The following SOX5 variants were observed in gnomAD, a reference collection of about 807,000 sequenced individuals.
SOX5 encodes SRY-box transcription factor 5, also known as transcription factor SOX-5.
In SOX5, 9 loss-of-function variants were observed where a neutral mutation model predicts 92.0. That is an observed-to-expected ratio of 0.10 (90% confidence interval 0.06 to 0.17). The LOEUF (loss-of-function observed/expected upper bound fraction) is 0.17, where lower values mean the gene tolerates loss of function less well. Ranked by LOEUF, SOX5 falls within the 10% of genes least tolerant of loss-of-function variation. The pLI, the probability that SOX5 is intolerant of heterozygous loss-of-function variation, is 1.00. For synonymous variants in SOX5, 344 were observed against 336.3 expected, an observed-to-expected ratio of 1.02 and a Z score of -0.25; for missense variants, 642 against 944.5, an observed-to-expected ratio of 0.68 and a Z score of 4.20.
intron 1 of SOX5, among the ~76,000 whole-genome samples, chr12:24,509,838 A>G (rs2138288977): frequency 6.6e-6 from 1 of 152,336 alleles, no homozygotes; most frequent in South Asian, 2.1e-4. Context: ...CAGCCACACA[A>G]AATATTTAAA....
At chr12:24,479,688 C>A (rs903727601) in intron 1 of SOX5, among the ~76,000 whole-genome samples, 86 of 151,284 alleles carry the variant, frequency 5.7e-4, no homozygotes, top group African/African-American at 2.0e-3. Flanking sequence ...TGTGGGGGGA[C>A]AGAGTCTCAC....
At chr12:24,398,105 C>T (rs1480524419) in intron 1 of SOX5, among the ~76,000 whole-genome samples, 2 of 152,192 alleles carry the variant, frequency 1.3e-5, no homozygotes, top group African/African-American at 4.8e-5. Context: ...CCACCTCGGC[C>T]TCCCAAAGTG....
chr12:24,265,048 C>A (rs1278391777), intron 3 of SOX5, among the ~76,000 whole-genome samples: 1 of 152,158 alleles, frequency 6.6e-6, no homozygotes, highest in East Asian at 1.9e-4. Flanking sequence ...CCCCAACTTA[C>A]CATGGGGATT....
chr12:24,057,490 A>G (rs772088325), intron 4 of SOX5, among the ~76,000 whole-genome samples: 3 of 152,166 alleles, frequency 2.0e-5, no homozygotes, highest in Non-Finnish European at 4.4e-5. Context: ...TGAAAGGTGC[A>G]TGACTTAGTC....
chr12:23,951,006 C>G, upstream of SOX5: 1 of 734,944 alleles, frequency 1.4e-6, no homozygotes. Flanking sequence ...CACACACACT[C>G]ACTCACGCAC....
intron 1 of SOX5, among the ~76,000 whole-genome samples, chr12:24,410,339 C>T (rs1963851778): frequency 1.3e-5 from 2 of 152,176 alleles, no homozygotes; most frequent in Admixed American, 1.3e-4. Context: ...TTCAGTTTAT[C>T]AACTTTTCCT....
At chr12:23,553,266 A>T (rs1014538683) in intron 11 of SOX5, among the ~76,000 whole-genome samples, 2 of 152,060 alleles carry the variant, frequency 1.3e-5, no homozygotes, top group Admixed American at 1.3e-4. Context: ...CAGTAATTAC[A>T]CTTACAAATT....
intron 1 of SOX5, among the ~76,000 whole-genome samples, chr12:24,481,681 A>T (rs184474303): frequency 1.6e-3 from 238 of 152,318 alleles, no homozygotes; most frequent in African/African-American, 5.6e-3. Flanking sequence ...ACAGACATAC[A>T]AAGACACAAC....
intron 3 of SOX5, among the ~76,000 whole-genome samples, chr12:24,230,260 T>G (rs1023892517): frequency 1.3e-5 from 2 of 151,964 alleles, no homozygotes; most frequent in Admixed American, 1.3e-4. Flanking sequence ...TTTAAAGACT[T>G]CCCGTCATTA....
chr12:23,832,640 T>C (rs1267352118), intron 3 of SOX5, among the ~76,000 whole-genome samples: 1 of 152,060 alleles, frequency 6.6e-6, no homozygotes, highest in African/African-American at 2.4e-5. Flanking sequence ...TCACTTCATT[T>C]GTCTCCTTCA....
chr12:23,989,818 T>C (rs1350548402), intron 4 of SOX5, among the ~76,000 whole-genome samples: 1 of 152,140 alleles, frequency 6.6e-6, no homozygotes, highest in Non-Finnish European at 1.5e-5. Context: ...TCTAGAACTG[T>C]AAGAAATAAA....
chr12:24,214,582 G>A (rs2139716201), intron 3 of SOX5, among the ~76,000 whole-genome samples: 1 of 152,206 alleles, frequency 6.6e-6, no homozygotes, highest in South Asian at 2.1e-4. Context: ...TTAATTATAT[G>A]TGGGATCTTG....
chr12:23,770,874 G>A (rs868292871), intron 3 of SOX5, among the ~76,000 whole-genome samples: 13 of 152,210 alleles, frequency 8.5e-5, no homozygotes, highest in South Asian at 2.1e-4. Flanking sequence ...CTATTCAGTT[G>A]GTTTGGGCAG....
rs1219757202 is a variant in SOX5, at chr12:24,014,317, T to C, written c.-1-118293A>G. Among the ~76,000 whole-genome samples, 3 of 152,184 alleles carry C rather than the reference T, an allele frequency of 2.0e-5. No homozygotes were observed. The East Asian group carries it at 5.8e-4, about 29-fold the overall frequency. The stretch of plus-strand genomic sequence containing the variant: ...TAACTACTCATTATGCATGACGGCA[T>C]ACCAACCTGTGAGAATATGAGGGAG... On this transcript the variant is annotated intron_variant, in intron 4 of 4. Coordinates refer to the SOX5 transcript ENST00000446891.
chr12:23,903,347 G>A (rs2097256812), intron 1 of SOX5, among the ~76,000 whole-genome samples: 1 of 152,152 alleles, frequency 6.6e-6, no homozygotes, highest in Non-Finnish European at 1.5e-5. Flanking sequence ...CACTTTAGGA[G>A]ACCAAGGCAG....
intron 4 of SOX5, among the ~76,000 whole-genome samples, chr12:24,202,691 T>C (rs1957639181): frequency 1.3e-5 from 2 of 152,218 alleles, no homozygotes. Flanking sequence ...TTGTAGTATG[T>C]CCCTTTTGGG....
intron 4 of SOX5, among the ~76,000 whole-genome samples, chr12:24,174,493 G>A (rs146243341): frequency 2.7e-5 from 4 of 146,242 alleles, no homozygotes; most frequent in Non-Finnish European, 6.0e-5. Flanking sequence ...CCAGACATTA[G>A]TAAGAATACA....
chr12:24,214,488 G>C (rs1222355503), intron 3 of SOX5, among the ~76,000 whole-genome samples: 1 of 151,940 alleles, frequency 6.6e-6, no homozygotes, highest in African/African-American at 2.4e-5. Flanking sequence ...TTTATATGGG[G>C]AAGTTCATCA....
intron 1 of SOX5, among the ~76,000 whole-genome samples, chr12:24,385,865 G>C (rs1184548219): frequency 7.0e-6 from 1 of 143,354 alleles, no homozygotes; most frequent in Non-Finnish European, 1.5e-5. Context: ...CCGGGAGGTA[G>C]AGGCTGCAGT....
Sources: gnomAD v4.1 joint callset for allele counts (sites outside exome capture counted in the v4.1 genomes callset) on GRCh38, gnomAD v4.1.1 for gene constraint, MANE v1.5 for transcripts, NCBI Gene and HGNC (gene_info 2026-07-23, HGNC 2026-07-21) for gene names.